The following CNTN3 variants were observed in gnomAD, a reference collection of about 807,000 sequenced individuals.
CNTN3 encodes contactin 3.
CNTN3 carries 60 observed loss-of-function variants against 119.1 expected under a neutral mutation model. That is an observed-to-expected ratio of 0.50 (90% CI 0.41 to 0.62). The LOEUF (loss-of-function observed/expected upper bound fraction) is 0.62, where lower values mean the gene tolerates loss of function less well. CNTN3 is among the 20% of genes least tolerant of loss of function. The pLI is 0.00. For missense variants in CNTN3, 1,101 were observed against 1,242.4 expected, an observed-to-expected ratio of 0.89 and a Z score of 1.71; for synonymous variants, 450 against 438.7, an observed-to-expected ratio of 1.03 and a Z score of -0.32.
Position 74,526,840 on chromosome 3 carries a change from A to G in CNTN3, c.-80-5648T>C, listed in dbSNP as rs1703626842. On this transcript the variant is annotated intron_variant, in intron 1 of 22. Coordinates refer to ENST00000263665, the MANE Select transcript of CNTN3 (RefSeq NM_020872.3). The stretch of plus-strand genomic sequence containing the variant: ...ACCCTCAACACTTCTAACACCTTCT[A>G]TTGTATTATTTAGATTATGGCTTCT... 2.0e-5 allele frequency among the ~76,000 whole-genome samples: 3 copies of G among 151,808 alleles called. No individual in the cohort carries two copies. The South Asian group carries it at 6.2e-4, about 32-fold the overall frequency.
chr3:74,344,150 T>G (rs1222911816), intron 11 of CNTN3, among the ~76,000 whole-genome samples: 1 of 152,180 alleles, frequency 6.6e-6, no homozygotes, highest in Non-Finnish European at 1.5e-5. Flanking sequence ...TGTTGGTGCT[T>G]TGTACATAGT....
At chr3:74,312,165 G>A (rs1702699629) in intron 13 of CNTN3, among the ~76,000 whole-genome samples, 1 of 152,014 alleles carries the variant, frequency 6.6e-6, no homozygotes, top group South Asian at 2.1e-4. Flanking sequence ...AAAAAGCTCT[G>A]ACCTCAGGCC....
At chr3:74,465,358 C>G (rs763617272) in intron 4 of CNTN3, among the ~76,000 whole-genome samples, 1 of 152,040 alleles carries the variant, frequency 6.6e-6, no homozygotes, top group South Asian at 2.1e-4. Flanking sequence ...ATTACACTCA[C>G]GACTCAGTCA....
At chr3:74,423,433 T>C (rs1701647790) in intron 5 of CNTN3, among the ~76,000 whole-genome samples, 1 of 152,126 alleles carries the variant, frequency 6.6e-6, no homozygotes. Flanking sequence ...GGTGTGACTG[T>C]GGGCAAGTGT....
intron 13 of CNTN3, among the ~76,000 whole-genome samples, chr3:74,311,962 T>C (rs529812031): frequency 1.4e-5 from 2 of 138,470 alleles, no homozygotes; most frequent in South Asian, 5.3e-4. Flanking sequence ...AAGTTCAGTG[T>C]GGACAATTCC....
intron 5 of CNTN3, among the ~76,000 whole-genome samples, chr3:74,417,377 G>T (rs146736943): frequency 1.3e-5 from 2 of 152,090 alleles, no homozygotes; most frequent in Non-Finnish European, 2.9e-5. Context: ...AGAGCAATAC[G>T]CTCAGTTTTT....
intron 1 of CNTN3, among the ~76,000 whole-genome samples, chr3:74,530,690 G>A: frequency 6.6e-6 from 1 of 151,920 alleles, no homozygotes; most frequent in East Asian, 1.9e-4. Context: ...GAGTGCCTGT[G>A]GAATGTGGTT....
At chr3:74,445,497 CA>C (rs1218609281) in intron 4 of CNTN3, among the ~76,000 whole-genome samples, 1 of 152,148 alleles carries the variant, frequency 6.6e-6, no homozygotes, top group East Asian at 1.9e-4. Flanking sequence ...CTCCTGACCT[CA>C]AATGATCCAT....
intron 1 of CNTN3, among the ~76,000 whole-genome samples, chr3:74,597,952 G>T (rs1704839896): frequency 6.6e-6 from 1 of 152,020 alleles, no homozygotes; most frequent in Non-Finnish European, 1.5e-5. Context: ...ACAATTAAGT[G>T]TATCTTGCAA....
chr3:74,498,251 T>G (rs981721209), intron 3 of CNTN3, among the ~76,000 whole-genome samples: 1 of 151,840 alleles, frequency 6.6e-6, no homozygotes, highest in African/African-American at 2.4e-5. Context: ...TTAGAATGCC[T>G]TACAAAAATG....
chr3:74,335,598 T>C (rs1429489522), intron 12 of CNTN3, among the ~76,000 whole-genome samples: 1 of 152,176 alleles, frequency 6.6e-6, no homozygotes, highest in Non-Finnish European at 1.5e-5. Flanking sequence ...TCTACAATTA[T>C]GCTAGTCAAT....
chr3:74,516,687 G>T (rs114432796), intron 2 of CNTN3, among the ~76,000 whole-genome samples: 5,431 of 150,552 alleles, frequency 0.036, 160 homozygotes, highest in South Asian at 0.067. Flanking sequence ...CCTTCTTAGG[G>T]GCCTGCCAGG....
At chr3:74,502,869 G>A (rs999631942) in intron 2 of CNTN3, among the ~76,000 whole-genome samples, 4 of 151,866 alleles carry the variant, frequency 2.6e-5, no homozygotes, top group African/African-American at 7.3e-5. Flanking sequence ...TAAACACTAC[G>A]CATGTTTATG....
intron 5 of CNTN3, among the ~76,000 whole-genome samples, chr3:74,380,397 A>G (rs1374615753): frequency 6.6e-6 from 1 of 152,228 alleles, no homozygotes; most frequent in African/African-American, 2.4e-5. Flanking sequence ...CATCGCTTAT[A>G]TTGAATAGCA....
In CNTN3 at chr3:74,473,933, T is replaced by G. The variant is rs191349886; in HGVS notation, c.358+12523A>C. 1.2e-4 allele frequency among the ~76,000 whole-genome samples: 18 copies of G among 152,258 alleles called. No homozygotes were observed. The East Asian group carries it at 1.5e-3, about 13-fold the overall frequency. On this transcript the variant is annotated intron_variant, in intron 4 of 22. Coordinates refer to ENST00000263665, the MANE Select transcript of CNTN3 (RefSeq NM_020872.3). ...TTGGAACAAAGGTAATGAGTAAAAT[T>G]TATCTTAGTCTCTATGAGAAACCAT...
intron 13 of CNTN3, among the ~76,000 whole-genome samples, chr3:74,303,709 A>T (rs686799): frequency 0.076 from 11,607 of 152,214 alleles, 543 homozygotes; most frequent in East Asian, 0.18. Context: ...GCCTCCAAAA[A>T]ATAAATAATA....
At chr3:74,350,001 T>C (rs1449777125) in intron 11 of CNTN3, among the ~76,000 whole-genome samples, 1 of 152,194 alleles carries the variant, frequency 6.6e-6, no homozygotes, top group East Asian at 1.9e-4. Flanking sequence ...ACGAAATATA[T>C]TTTAAGGTGG....
chr3:74,268,224 A>T (rs1701702124), intron 20 of CNTN3, among the ~76,000 whole-genome samples: 2 of 152,062 alleles, frequency 1.3e-5, no homozygotes, highest in African/African-American at 4.8e-5. Flanking sequence ...GTGTTGAGGG[A>T]TGGCCGATAG....
chr3:74,592,746 C>A (rs1200961375), intron 1 of CNTN3, among the ~76,000 whole-genome samples: 1 of 152,008 alleles, frequency 6.6e-6, no homozygotes, highest in Non-Finnish European at 1.5e-5. Context: ...AATAACCTCT[C>A]TTGTTCTTAA....
Sources: gnomAD v4.1 joint callset for allele counts (sites outside exome capture counted in the v4.1 genomes callset) on GRCh38, gnomAD v4.1.1 for gene constraint, MANE v1.5 for transcripts, NCBI Gene and HGNC (gene_info 2026-07-23, HGNC 2026-07-21) for gene names.